Variants in SLC2A13 observed in about 807,000 individuals in gnomAD.
The protein encoded by SLC2A13 is solute carrier family 2 member 13.
A neutral mutation model predicts 64.4 loss-of-function variants in SLC2A13; 32 were observed. The ratio of observed to expected loss-of-function variants is 0.50; its 90% confidence interval spans 0.37 to 0.67. SLC2A13 has a LOEUF of 0.67. SLC2A13 is among the 30% of genes least tolerant of loss of function. SLC2A13 has a pLI of 0.00. For synonymous variants in SLC2A13, 338 were observed against 327.1 expected, an observed-to-expected ratio of 1.03 and a Z score of -0.36; for missense variants, 743 against 829.2, an observed-to-expected ratio of 0.90 and a Z score of 1.28.
chr12:39,779,430 C>A (rs1016656702), intron 7 of SLC2A13, among the ~76,000 whole-genome samples: 1 of 152,142 alleles, frequency 6.6e-6, no homozygotes, highest in Non-Finnish European at 1.5e-5. Flanking sequence ...ACTTTTATGA[C>A]CCTCACTAGA....
intron 2 of SLC2A13, among the ~76,000 whole-genome samples, chr12:40,042,961 A>G (rs866546469): frequency 0.011 from 1,032 of 94,736 alleles, 12 homozygotes; most frequent in African/African-American, 0.031. Flanking sequence ...ATAAGAATGA[A>G]AAAAAAAAAA....
At chr12:39,937,121 T>C (rs1282233810) in intron 4 of SLC2A13, among the ~76,000 whole-genome samples, 1 of 152,136 alleles carries the variant, frequency 6.6e-6, no homozygotes, top group Non-Finnish European at 1.5e-5. Flanking sequence ...GATGAGAGCC[T>C]GGATAGTGAA....
intron 7 of SLC2A13, chr12:39,829,392 C>CTTTTTTTTTTGTTTTTTTTTTTT (rs1942787392): frequency 1.5e-5 from 1 of 65,796 alleles, no homozygotes; most frequent in Non-Finnish European, 2.5e-5. Context: ...GATAGTAATT[C>CTTTTTTTTTTGTTTTTTTTTTTT]TTTTTTTTTT....
intron 3 of SLC2A13, among the ~76,000 whole-genome samples, chr12:39,993,636 A>G (rs1947176279): frequency 6.6e-6 from 1 of 152,242 alleles, no homozygotes; most frequent in Non-Finnish European, 1.5e-5. Flanking sequence ...AGAGAAACTG[A>G]TTTTGATGTA....
chr12:39,946,795 G>A (rs1003137765), intron 4 of SLC2A13, among the ~76,000 whole-genome samples: 2 of 152,206 alleles, frequency 1.3e-5, no homozygotes, highest in African/African-American at 4.8e-5. Flanking sequence ...CCTCCCAGTT[G>A]TGAAAGAAAA....
At chr12:39,898,413 G>A (rs926906281) in intron 4 of SLC2A13, among the ~76,000 whole-genome samples, 2 of 152,112 alleles carry the variant, frequency 1.3e-5, no homozygotes, top group Non-Finnish European at 2.9e-5. Flanking sequence ...TGATTTACCT[G>A]TAAAGTAAAA....
At chr12:40,065,121 T>C (rs1057413139) in intron 1 of SLC2A13, among the ~76,000 whole-genome samples, 65 of 152,056 alleles carry the variant, frequency 4.3e-4, no homozygotes, top group African/African-American at 1.4e-3. Flanking sequence ...TAAAGTGAGA[T>C]CAGAAAGCAA....
intron 6 of SLC2A13, among the ~76,000 whole-genome samples, chr12:39,847,899 C>T (rs12825170): frequency 0.2 from 29,940 of 152,044 alleles, 3,869 homozygotes; most frequent in Non-Finnish European, 0.27. Context: ...TACTTGTGTA[C>T]GGGTTCAAAA....
intron 7 of SLC2A13, among the ~76,000 whole-genome samples, chr12:39,818,828 T>C (rs1201363535): frequency 1.3e-5 from 2 of 152,170 alleles, no homozygotes; most frequent in Non-Finnish European, 2.9e-5. Flanking sequence ...TAAAATATTG[T>C]TATAAGTATA....
At chr12:39,813,475 C>A (rs933543248) in intron 7 of SLC2A13, among the ~76,000 whole-genome samples, 10 of 152,066 alleles carry the variant, frequency 6.6e-5, no homozygotes, top group Admixed American at 2.6e-4. Flanking sequence ...ATTTCAGATA[C>A]CATATTTCAT....
chr12:40,015,689 T>C (rs955423231), intron 3 of SLC2A13, among the ~76,000 whole-genome samples: 2 of 152,148 alleles, frequency 1.3e-5, no homozygotes, highest in African/African-American at 4.8e-5. Flanking sequence ...TATATTCCTT[T>C]ATTGTCTGTG....
intron 3 of SLC2A13, among the ~76,000 whole-genome samples, chr12:40,025,483 A>C (rs1947788721): frequency 1.3e-5 from 2 of 152,368 alleles, no homozygotes; most frequent in Non-Finnish European, 2.9e-5. Flanking sequence ...CACAAGTCAC[A>C]AATCCACTGG....
At chr12:40,019,076 G>A (rs1453562578) in intron 3 of SLC2A13, among the ~76,000 whole-genome samples, 1 of 152,150 alleles carries the variant, frequency 6.6e-6, no homozygotes, top group East Asian at 1.9e-4. Context: ...GATGGAGAGG[G>A]AAGATACTAG....
intron 3 of SLC2A13, among the ~76,000 whole-genome samples, chr12:39,953,776 C>T (rs565490844): frequency 1.3e-5 from 2 of 152,130 alleles, no homozygotes; most frequent in African/African-American, 4.8e-5. Flanking sequence ...GATTCAAGAT[C>T]CCAAAATGAG....
At chr12:39,831,406 A>C (rs1196658470) in intron 6 of SLC2A13, among the ~76,000 whole-genome samples, 1 of 152,212 alleles carries the variant, frequency 6.6e-6, no homozygotes, top group Admixed American at 6.5e-5. Context: ...TTTACTGTGT[A>C]CAAGTCGTGA....
chr12:40,058,491 T>G (rs1458754299), intron 1 of SLC2A13, among the ~76,000 whole-genome samples: 1 of 152,158 alleles, frequency 6.6e-6, no homozygotes, highest in Non-Finnish European at 1.5e-5. Context: ...CTGTATCACC[T>G]GGCTTTCATC....
At chr12:39,952,573 T>C (rs1390985898) in intron 3 of SLC2A13, among the ~76,000 whole-genome samples, 1 of 152,190 alleles carries the variant, frequency 6.6e-6, no homozygotes, top group East Asian at 1.9e-4. Context: ...GAATATTCTA[T>C]TCCTACATGG....
intron 3 of SLC2A13, among the ~76,000 whole-genome samples, chr12:39,953,032 G>C (rs539129015): frequency 4.2e-4 from 63 of 151,790 alleles, no homozygotes; most frequent in African/African-American, 1.5e-3. Flanking sequence ...ACAAACAAAA[G>C]CCCTTTCTCA....
chr12:39,831,508 T>C (rs2060046966), intron 6 of SLC2A13, among the ~76,000 whole-genome samples: 1 of 152,216 alleles, frequency 6.6e-6, no homozygotes, highest in South Asian at 2.1e-4. Context: ...AGAATATTTC[T>C]TAATGTTCAA....
Sources: allele counts gnomAD v4.1 joint callset (sites outside exome capture counted in the v4.1 genomes callset), GRCh38; gene constraint gnomAD v4.1.1; transcripts MANE v1.5; gene names NCBI Gene and HGNC (gene_info 2026-07-23, HGNC 2026-07-21).